AGMO: variants seen among roughly 807,000 people sequenced by gnomAD.
AGMO encodes alkylglycerol monooxygenase, also known as glyceryl-ether monooxygenase.
In AGMO, 75 loss-of-function variants were observed where a neutral mutation model predicts 60.2. The observed-to-expected ratio is 1.25, with a 90% CI of 1.03 to 1.51. The LOEUF (loss-of-function observed/expected upper bound fraction) is 1.51. Among genes scored for constraint, AGMO ranks in the 40% most tolerant of loss-of-function variants. The pLI, the probability that AGMO is intolerant of heterozygous loss-of-function variation, is 0.00. For missense variants in AGMO, 763 were observed against 525.5 expected (o/e 1.45, Z -4.42); for synonymous variants, 261 against 177.1 (o/e 1.47, Z -3.76).
intron 6 of AGMO, among the ~76,000 whole-genome samples, chr7:15,391,231 C>T (rs369437404): frequency 6.6e-6 from 1 of 151,652 alleles, no homozygotes; most frequent in Non-Finnish European, 1.5e-5. Context: ...TTAAATGATA[C>T]CAAAAATTAT....
At chr7:15,555,092 C>G (rs1345237159) in intron 2 of AGMO, among the ~76,000 whole-genome samples, 2 of 151,646 alleles carry the variant, frequency 1.3e-5, no homozygotes, top group African/African-American at 4.8e-5. Flanking sequence ...TATTCCACAA[C>G]TGTCATTATA....
At chr7:15,119,479 C>T in the AGMO span, among the ~76,000 whole-genome samples, 3 of 151,858 alleles carry the variant, frequency 2.0e-5, no homozygotes, top group Admixed American at 2.0e-4. Flanking sequence ...GTCTCTCTTA[C>T]TTCCTTACCC....
chr7:15,219,060 T>C (rs1781835949), intron 12 of AGMO, among the ~76,000 whole-genome samples: 1 of 152,154 alleles, frequency 6.6e-6, no homozygotes, highest in Non-Finnish European at 1.5e-5. Flanking sequence ...GCTTCATACA[T>C]TTACTGATCA....
At chr7:15,311,808 A>G (rs1313051731) in intron 12 of AGMO, among the ~76,000 whole-genome samples, 1 of 152,200 alleles carries the variant, frequency 6.6e-6, no homozygotes, top group Admixed American at 6.5e-5. Flanking sequence ...TATATTCTAA[A>G]ATAATTCCAC....
At chr7:15,305,694 G>C (rs1780594393) in intron 12 of AGMO, among the ~76,000 whole-genome samples, 1 of 151,860 alleles carries the variant, frequency 6.6e-6, no homozygotes, top group Non-Finnish European at 1.5e-5. Context: ...CTGTAGACAT[G>C]CAACTAATTT....
At chr7:15,172,736 T>A in the AGMO span, among the ~76,000 whole-genome samples, 2 of 152,176 alleles carry the variant, frequency 1.3e-5, no homozygotes, top group Admixed American at 6.5e-5. Context: ...TATGCTTATC[T>A]AGAATCCAGA....
chr7:15,553,829 A>C (rs539790512), intron 2 of AGMO, among the ~76,000 whole-genome samples: 151 of 152,184 alleles, frequency 9.9e-4, no homozygotes, highest in African/African-American at 3.5e-3. Context: ...CCGTCAACTG[A>C]CTTATTAGGG....
the AGMO span, among the ~76,000 whole-genome samples, chr7:15,174,356 C>G: frequency 6.6e-6 from 1 of 152,002 alleles, no homozygotes; most frequent in Non-Finnish European, 1.5e-5. Context: ...ACTTTTTGAT[C>G]TGCATGTACT....
At chr7:15,190,095 T>TTA in the AGMO span, among the ~76,000 whole-genome samples, 1 of 1,882 alleles carries the variant, frequency 5.3e-4, no homozygotes, top group Admixed American at 8.1e-3. Flanking sequence ...ATATATATAT[T>TTA]TATATATATA....
chr7:15,183,967 A>C, the AGMO span, among the ~76,000 whole-genome samples: 1 of 152,218 alleles, frequency 6.6e-6, no homozygotes, highest in Non-Finnish European at 1.5e-5. Context: ...GTTATTGTTA[A>C]GCAAATTTTA....
At chr7:15,293,350 T>C (rs1784326034) in intron 12 of AGMO, among the ~76,000 whole-genome samples, 1 of 152,052 alleles carries the variant, frequency 6.6e-6, no homozygotes, top group South Asian at 2.1e-4. Context: ...AACAGCACTA[T>C]TTATCTCGTG....
intron 9 of AGMO, 103 bp downstream of exon 9, chr7:15,387,302 AT>A: frequency 7.5e-7 from 1 of 1,331,302 alleles, no homozygotes; most frequent in Non-Finnish European, 1.0e-6. Flanking sequence ...CTGGGGGAAC[AT>A]CTTTTTACAG....
At chr7:15,391,978 T>G (rs1178030489) in intron 6 of AGMO, among the ~76,000 whole-genome samples, 2 of 152,154 alleles carry the variant, frequency 1.3e-5, no homozygotes, top group Non-Finnish European at 2.9e-5. Context: ...TAAGCAGGCG[T>G]GGGCATGCGA....
intron 5 of AGMO, among the ~76,000 whole-genome samples, chr7:15,395,813 A>C (rs1194607129): frequency 6.6e-6 from 1 of 152,178 alleles, no homozygotes; most frequent in Non-Finnish European, 1.5e-5. Flanking sequence ...CTCTAATACA[A>C]AACTCTTTAT....
intron 12 of AGMO, among the ~76,000 whole-genome samples, chr7:15,264,008 T>C (rs1783359181): frequency 2.0e-5 from 3 of 151,688 alleles, no homozygotes; most frequent in Admixed American, 1.3e-4. Context: ...GAAATCACCA[T>C]TAAAGAATTT....
In AGMO at chr7:15,421,139, C is replaced by T. The variant is rs1425622058; in HGVS notation, c.514-2486G>A. Among the ~76,000 whole-genome samples the T allele has an allele frequency of 3.3e-5, 5 of 152,012 alleles. No homozygotes were observed. In the East Asian group the frequency reaches 9.6e-4, roughly 29 times the overall value. On this transcript the variant is annotated intron_variant, in intron 4 of 12. Coordinates refer to ENST00000342526, the MANE Select transcript of AGMO (RefSeq NM_001004320.2). ...TAAACATATTTGCTATTGTAGAAGGCGTTGGAGAGTAGTGTGGCTAGAAAT... is the reference window on the plus strand; with the variant it reads ...TAAACATATTTGCTATTGTAGAAGGTGTTGGAGAGTAGTGTGGCTAGAAAT...
intron 12 of AGMO, among the ~76,000 whole-genome samples, chr7:15,242,410 G>T (rs1212229289): frequency 6.6e-6 from 1 of 152,048 alleles, no homozygotes. Context: ...GGGTAAAATT[G>T]GGCTTATTTT....
intron 12 of AGMO, among the ~76,000 whole-genome samples, chr7:15,354,612 G>A (rs1782449281): frequency 7.1e-6 from 1 of 140,522 alleles, no homozygotes; most frequent in Non-Finnish European, 1.5e-5. Context: ...TCTTGAGAAA[G>A]ACTATACCCT....
intron 3 of AGMO, among the ~76,000 whole-genome samples, chr7:15,464,452 A>C (rs1157813743): frequency 6.6e-6 from 1 of 152,200 alleles, no homozygotes; most frequent in African/African-American, 2.4e-5. Context: ...AATTCCTCAT[A>C]AAATCACTTT....
Sources: gnomAD v4.1 joint callset for allele counts (sites outside exome capture counted in the v4.1 genomes callset) on GRCh38, gnomAD v4.1.1 for gene constraint, MANE v1.5 for transcripts, NCBI Gene and HGNC (gene_info 2026-07-23, HGNC 2026-07-21) for gene names.